ANKDD1B: variants seen among roughly 807,000 people sequenced by gnomAD.
ANKDD1B encodes ankyrin repeat and death domain containing 1B.
ANKDD1B carries 57 observed loss-of-function variants against 59.7 expected under a neutral mutation model. That is an observed-to-expected ratio of 0.95 (90% CI 0.77 to 1.19). The LOEUF (loss-of-function observed/expected upper bound fraction) is 1.19, where lower values mean the gene tolerates loss of function less well. Ranked by LOEUF, ANKDD1B falls within the 50% of genes most tolerant of loss-of-function variation. ANKDD1B has a pLI of 0.00. For synonymous variants in ANKDD1B, 216 were observed against 239.5 expected (o/e 0.90, Z 0.91); for missense variants, 602 against 641.9 (o/e 0.94, Z 0.67).
At chr5:75,660,188 A>G (rs1047349000) in intron 10 of ANKDD1B, among the ~76,000 whole-genome samples, 1 of 152,198 alleles carries the variant, frequency 6.6e-6, no homozygotes, top group African/African-American at 2.4e-5. Flanking sequence ...TTGTTATGCA[A>G]TTGGTCTCCA....
chr5:75,649,665 T>C lies in ANKDD1B; in HGVS notation c.799-3477T>C, dbSNP rs577170365. ...TTCCCAGGGAGGGCACTTCTGACCA[T>C]TCTGATCTCAGTTTAAATGTCACCT... On this transcript the variant is annotated intron_variant, in intron 7 of 13. Coordinates refer to ENST00000601380, the MANE Select transcript of ANKDD1B (RefSeq NM_001276713.2). Among the ~76,000 whole-genome samples, 4 of 152,302 alleles carry C rather than the reference T, an allele frequency of 2.6e-5. No homozygotes were observed. The East Asian group carries it at 7.7e-4, about 29-fold the overall frequency.
intron 5 of ANKDD1B, among the ~76,000 whole-genome samples, chr5:75,630,575 C>A (rs1774124074): frequency 2.0e-5 from 3 of 152,308 alleles, no homozygotes; most frequent in Admixed American, 2.0e-4. Flanking sequence ...TGCAGTAATG[C>A]AAAGCTTTGT....
rs373980406 is a variant in ANKDD1B at position 75,630,294 on chromosome 5, TGA to T, written c.600+4344_600+4345del. 7.9e-5 allele frequency among the ~76,000 whole-genome samples: 12 copies of T among 152,362 alleles called. No individual in the cohort carries two copies. In the East Asian group the frequency reaches 1.7e-3, roughly 22 times the overall value. ...ATTTTGTCTAATAATATGTACTCAA[TGA>T]GAGAAAAGATTTATATCTCATTATG... On this transcript the variant is annotated intron_variant, in intron 5 of 13. Transcript: ENST00000601380.
chr5:75,627,828 C>T (rs528807982), intron 5 of ANKDD1B, among the ~76,000 whole-genome samples: 4 of 152,286 alleles, frequency 2.6e-5, no homozygotes, highest in South Asian at 2.1e-4. Flanking sequence ...AGCAGGTTTG[C>T]GGGGAGCCTT....
chr5:75,629,817 G>A (rs927920229), intron 5 of ANKDD1B, among the ~76,000 whole-genome samples: 5 of 151,912 alleles, frequency 3.3e-5, no homozygotes, highest in Middle Eastern at 3.4e-3. Context: ...GCGCACCTGT[G>A]GCCCCAGCTA....
intron 7 of ANKDD1B, among the ~76,000 whole-genome samples, chr5:75,648,186 G>A (rs1268637467): frequency 8.9e-6 from 1 of 112,838 alleles, no homozygotes; most frequent in Non-Finnish European, 1.8e-5. Context: ...GCACCAGCAT[G>A]GCACATGTAT....
At chr5:75,655,095 G>A (rs186240048) in intron 8 of ANKDD1B, among the ~76,000 whole-genome samples, 83 of 152,264 alleles carry the variant, frequency 5.5e-4, no homozygotes, top group Non-Finnish European at 8.4e-4. Flanking sequence ...CTCCTCTCAT[G>A]TCTCCACAGG....
At chr5:75,617,184 G>T (rs1773737096) in intron 2 of ANKDD1B, among the ~76,000 whole-genome samples, 1 of 152,272 alleles carries the variant, frequency 6.6e-6, no homozygotes, top group East Asian at 1.9e-4. Context: ...CCAGCTGTCA[G>T]GGTTGCAGGC....
At chr5:75,618,720 T>TC (rs1773774276) in intron 2 of ANKDD1B, among the ~76,000 whole-genome samples, 1 of 152,150 alleles carries the variant, frequency 6.6e-6, no homozygotes, top group African/African-American at 2.4e-5. Flanking sequence ...TCAGACAAAG[T>TC]CATAATAACT....
chr5:75,641,870 T>C (rs1312209980), intron 7 of ANKDD1B, among the ~76,000 whole-genome samples: 1 of 152,212 alleles, frequency 6.6e-6, no homozygotes, highest in Non-Finnish European at 1.5e-5. Flanking sequence ...GGCAGAAAGC[T>C]AGCTGCATGC....
chr5:75,633,652 C>T (rs1041308761), intron 5 of ANKDD1B, among the ~76,000 whole-genome samples: 11 of 152,158 alleles, frequency 7.2e-5, no homozygotes, highest in Admixed American at 6.5e-4. Context: ...ACCGTATTGC[C>T]ACCACAACTT....
Position 75,611,504 on chromosome 5 carries a change from C to T in ANKDD1B, c.-131C>T, listed in dbSNP as rs1166664687. 3 of 641,652 alleles carry T rather than the reference C, an allele frequency of 4.7e-6. No homozygotes were observed. Among genetic ancestry groups the T allele is most frequent in the South Asian group, 8.5e-5 (1 of 11,724 alleles). The allele number at this position is 641,652 out of a possible 1,614,324, so 39.7% of individuals were successfully genotyped here. On this transcript the variant is annotated 5_prime_UTR_variant, in exon 1 of 14. Transcript: ENST00000601380. ...GAGCGGACTCGATCCTGCGCTCCGG[C>T]CGGGCTGACCTGCCTGCGTCCAGCC...
At chr5:75,626,596 G>T (rs1254323667) in intron 5 of ANKDD1B, among the ~76,000 whole-genome samples, 1 of 152,142 alleles carries the variant, frequency 6.6e-6, no homozygotes, top group Non-Finnish European at 1.5e-5. Flanking sequence ...TAGAGGAGAG[G>T]AAGTTGAGAT....
At chr5:75,664,542 T>G (rs1192377428) in intron 11 of ANKDD1B, among the ~76,000 whole-genome samples, 4 of 152,220 alleles carry the variant, frequency 2.6e-5, no homozygotes, top group African/African-American at 4.8e-5. Context: ...CAGGCTCAAT[T>G]TCTTAAATTA....
Position 75,611,582 on chromosome 5 carries a change from A to ATCTGGGTCCGAG in ANKDD1B, c.-44_-33dup. On this transcript the variant is annotated 5_prime_UTR_variant, in exon 1 of 14. Transcript: ENST00000601380. ...GATCTGTGTCCGAGTCTGGGTCTGG[A>ATCTGGGTCCGAG]TCTGGGTCCGAGTCTGGGTCTGGCC... 9.2e-7 allele frequency: 1 copy of ATCTGGGTCCGAG among 1,083,100 alleles called. No homozygotes were observed. The highest frequency in any genetic ancestry group is 1.1e-6 in the Non-Finnish European group (1 of 871,614). 67.1% of individuals were successfully genotyped at this position (1,083,100 alleles called of 1,614,324 possible). A position where few individuals can be genotyped will look rare whatever the true frequency, so the allele number is the denominator to read the frequency against.
chr5:75,618,231 T>C (rs1306215708), intron 2 of ANKDD1B, among the ~76,000 whole-genome samples: 1 of 152,148 alleles, frequency 6.6e-6, no homozygotes, highest in African/African-American at 2.4e-5. Flanking sequence ...GTTTCAAAAA[T>C]ATTTGTGGAT....
intron 7 of ANKDD1B, among the ~76,000 whole-genome samples, chr5:75,640,973 C>T (rs180811996): frequency 2.9e-4 from 44 of 152,224 alleles, no homozygotes; most frequent in Admixed American, 2.8e-3. Context: ...TAGAAACAGA[C>T]ACTCTATTCT....
chr5:75,671,027 G>A lies in ANKDD1B; in HGVS notation c.1574G>A (p.Cys525Tyr), dbSNP rs762832696. The A allele has an allele frequency of 8.1e-7, 1 of 1,227,498 alleles. No homozygotes were observed. Among genetic ancestry groups the A allele is most frequent in the Non-Finnish European group, 1.0e-6 (1 of 983,876 alleles). 76.0% of individuals were successfully genotyped at this position (1,227,498 alleles called of 1,614,324 possible). A position where few individuals can be genotyped will look rare whatever the true frequency, so the allele number is the denominator to read the frequency against. Residue 525 changes from cysteine (C) to tyrosine (Y), a missense_variant, in exon 14 of 14, where the codon TGT becomes TAT. Transcript: ENST00000601380. ...AAAACTGACTCAAACTCCAAGAAAT[G>A]TGTAGTTTCATAAATGCCTAAAGAA... Reference protein sequence around the residue: ...KSKTDSNSKKCVVS With the variant: ...KSKTDSNSKKYVVS
At chr5:75,668,444 A>T (rs886200033) in intron 12 of ANKDD1B, among the ~76,000 whole-genome samples, 3 of 152,252 alleles carry the variant, frequency 2.0e-5, no homozygotes, top group Non-Finnish European at 4.4e-5. Context: ...AAAGGAACAG[A>T]GGACTTGTCC....
Sources: allele counts gnomAD v4.1 joint callset (sites outside exome capture counted in the v4.1 genomes callset), GRCh38; gene constraint gnomAD v4.1.1; transcripts MANE v1.5; gene names NCBI Gene and HGNC (gene_info 2026-07-23, HGNC 2026-07-21).